Variants in IQGAP1 observed in about 807,000 individuals in gnomAD.
IQGAP1 encodes the protein IQ motif containing GTPase activating protein 1, also known as ras GTPase-activating-like protein IQGAP1.
A neutral mutation model predicts 215.6 loss-of-function variants in IQGAP1; 66 were observed. The observed-to-expected ratio is 0.31, with a 90% confidence interval of 0.25 to 0.38. The LOEUF (loss-of-function observed/expected upper bound fraction) is 0.38, where lower values mean the gene tolerates loss of function less well. Among genes scored for constraint, IQGAP1 ranks in the 10% least tolerant of loss-of-function variants. IQGAP1 has a pLI of 1.00. For missense variants in IQGAP1, 1,712 were observed against 1,997.1 expected, an observed-to-expected ratio of 0.86 and a Z score of 2.72; for synonymous variants, 772 against 728.7, an observed-to-expected ratio of 1.06 and a Z score of -0.96.
At chr15:90,484,669 T>C (rs940974740) in intron 30 of IQGAP1, among the ~76,000 whole-genome samples, 5 of 152,070 alleles carry the variant, frequency 3.3e-5, no homozygotes, top group African/African-American at 9.7e-5. Context: ...CCACCGTGCC[T>C]GGCTAAATTT....
chr15:90,467,346 T>C, intron 17 of IQGAP1, 104 bp from the exon 18 acceptor site: 1 of 1,151,188 alleles, frequency 8.7e-7, no homozygotes, highest in Non-Finnish European at 1.2e-6. Flanking sequence ...TTTGGAGTGG[T>C]CTTCATTTAG....
intron 15 of IQGAP1, among the ~76,000 whole-genome samples, chr15:90,461,614 G>A (rs1005876247): frequency 7.2e-5 from 11 of 151,960 alleles, no homozygotes; most frequent in Non-Finnish European, 1.2e-4. Context: ...CAAGGCAGGC[G>A]GATCACTTGA....
intron 18 of IQGAP1, 25 bp downstream of exon 18, chr15:90,467,617 A>T (rs1255588526): frequency 1.3e-6 from 2 of 1,592,470 alleles, no homozygotes; most frequent in South Asian, 2.3e-5. Context: ...TTCACGTAAG[A>T]AGAAGCTGAG....
At chr15:90,474,187 T>C (rs1965946740) in intron 22 of IQGAP1, 54 bp downstream of exon 22, 1 of 1,461,830 alleles carries the variant, frequency 6.8e-7, no homozygotes, top group Non-Finnish European at 9.4e-7. Context: ...AGCCACCAAG[T>C]TCAGGGTATT....
At chr15:90,407,960 A>G (rs767320965) in intron 2 of IQGAP1, among the ~76,000 whole-genome samples, 7 of 152,258 alleles carry the variant, frequency 4.6e-5, no homozygotes, top group Non-Finnish European at 8.8e-5. Flanking sequence ...ACAAGGCAAT[A>G]TGTAATTGCT....
intron 9 of IQGAP1, among the ~76,000 whole-genome samples, chr15:90,446,903 T>TA (rs1965534913): frequency 6.6e-6 from 1 of 152,204 alleles, no homozygotes; most frequent in Non-Finnish European, 1.5e-5. Flanking sequence ...ATATAAATGT[T>TA]TATAGATATT....
chr15:90,432,423 C>T (rs1419664165), intron 4 of IQGAP1, among the ~76,000 whole-genome samples: 3 of 152,164 alleles, frequency 2.0e-5, no homozygotes, highest in Non-Finnish European at 4.4e-5. Flanking sequence ...TATGCTGTGT[C>T]CTGTCTCCAG....
chr15:90,409,301 G>T (rs369887843), intron 2 of IQGAP1, among the ~76,000 whole-genome samples: 1 of 141,666 alleles, frequency 7.1e-6, no homozygotes, highest in Admixed American at 7.3e-5. Context: ...GCAGTGGCAC[G>T]ATCTCGGTTC....
intron 11 of IQGAP1, among the ~76,000 whole-genome samples, chr15:90,450,188 C>CTTAGA (rs1203575610): frequency 2.6e-5 from 4 of 152,086 alleles, no homozygotes; most frequent in Non-Finnish European, 5.9e-5. Context: ...GTCAACTCTA[C>CTTAGA]CTCTGTGAGA....
rs572838582 is a variant in IQGAP1, at chr15:90,482,230, G to A, written c.3504G>A (p.Lys1168=). 1.5e-5 allele frequency: 25 copies of A among 1,614,194 alleles called. No individual in the cohort carries two copies. In the Admixed American group the frequency reaches 1.8e-4, roughly 12 times the overall value. ...YGMRFIAKVL[K]DSLHEKFPDA... is the part of the protein sequence containing the mutation. ...TGCGCTTCATTGCCAAAGTGCTGAA[G>A]GACTCGTTGCATGAGAAGTTCCCTG... Residue 1168 remains lysine, a synonymous_variant, in exon 28 of 38, where the codon AAG becomes AAA. Coordinates refer to ENST00000268182, the MANE Select transcript of IQGAP1 (RefSeq NM_003870.4).
At chr15:90,413,557 A>G (rs1391825409) in intron 2 of IQGAP1, among the ~76,000 whole-genome samples, 3 of 152,218 alleles carry the variant, frequency 2.0e-5, no homozygotes, top group African/African-American at 7.2e-5. Flanking sequence ...AATGTCAGCA[A>G]GGGTTGCACA....
intron 28 of IQGAP1, among the ~76,000 whole-genome samples, 189 bp downstream of exon 28, chr15:90,482,470 T>G (rs1413662671): frequency 6.6e-6 from 1 of 152,218 alleles, no homozygotes; most frequent in Non-Finnish European, 1.5e-5. Context: ...TCCTATAGTT[T>G]GGCACACAAA....
rs1366636040 is a variant in IQGAP1, at chr15:90,439,333, T to C, written c.469T>C (p.Leu157=). 1.9e-6 allele frequency: 3 copies of C among 1,612,810 alleles called. No individual in the cohort carries two copies. The Admixed American group carries it at 5.0e-5, about 27-fold the overall frequency. Residue 157 remains leucine, a splice_region_variant and synonymous_variant, in exon 6 of 38, where the codon TTG becomes CTG. Coordinates refer to ENST00000268182, the MANE Select transcript of IQGAP1 (RefSeq NM_003870.4). ...RCIYCIHALS[L]YLFKLGLAPQ... ...CCTTTTGCATATTGTATCTTCTAGTTTGTACCTGTTCAAGCTAGGCCTGGC... is the reference window on the plus strand; with the variant it reads ...CCTTTTGCATATTGTATCTTCTAGTCTGTACCTGTTCAAGCTAGGCCTGGC...
chr15:90,494,302 G>GTGTT (rs1555442512), intron 35 of IQGAP1: 1 of 151,870 alleles, frequency 6.6e-6, no homozygotes, highest in African/African-American at 2.4e-5. Context: ...CTTTTAAAAA[G>GTGTT]TATTTGATGA....
chr15:90,499,972 G>C (rs1173992928), intron 37 of IQGAP1, 23 bp from the exon 38 acceptor site: 1 of 1,339,858 alleles, frequency 7.5e-7, no homozygotes, highest in Non-Finnish European at 1.1e-6. Flanking sequence ...GTTTTGTTTT[G>C]TTTTGTTTTG....
chr15:90,477,781 C>G lies in IQGAP1; in HGVS notation c.3221C>G (p.Pro1074Arg). 1 of 1,613,854 alleles carries G rather than the reference C, an allele frequency of 6.2e-7. No homozygotes were observed. Among genetic ancestry groups the G allele is most frequent in the Non-Finnish European group, 8.5e-7 (1 of 1,179,836 alleles). ...GQNALRQILA[P>R]VVKEIMDDKS... is the part of the protein sequence containing the mutation. ...AATGCCCTGAGACAGATCTTGGCCC[C>G]AGTCGTGAAGGAAATTATGGATGAC... The change falls in exon 26 of 38, where the codon CCA becomes CGA. Residue 1074 changes from proline (P) to arginine (R), a missense_variant. Pro to Arg is a moderately radical substitution (Grantham distance 103). Coordinates refer to ENST00000268182, the MANE Select transcript of IQGAP1 (RefSeq NM_003870.4).
chr15:90,484,424 T>G, intron 30 of IQGAP1, 72 bp downstream of exon 30: 1 of 1,313,764 alleles, frequency 7.6e-7, no homozygotes, highest in East Asian at 2.4e-5. Flanking sequence ...TTATCATCTC[T>G]GGTAGCCAGG....
At chr15:90,464,530 G>T (rs1886311815) in intron 15 of IQGAP1, among the ~76,000 whole-genome samples, 1 of 152,016 alleles carries the variant, frequency 6.6e-6, no homozygotes, top group Admixed American at 6.6e-5. Context: ...TCCCCAAATT[G>T]AAATATGGCA....
chr15:90,439,182 T>C (rs933489194), intron 5 of IQGAP1, 150 bp from the exon 6 acceptor site: 1 of 430,630 alleles, frequency 2.3e-6, no homozygotes, highest in African/African-American at 2.0e-5. Context: ...GTAAATAGCG[T>C]ATTGTAACTA....
Sources: allele counts gnomAD v4.1 joint callset (sites outside exome capture counted in the v4.1 genomes callset), GRCh38; gene constraint gnomAD v4.1.1; transcripts MANE v1.5; gene names NCBI Gene and HGNC (gene_info 2026-07-23, HGNC 2026-07-21).